SFMBT2: variants seen among roughly 807,000 people sequenced by gnomAD.
The protein encoded by SFMBT2 is scm-like with four MBT domains protein 2.
A neutral mutation model predicts 110.1 loss-of-function variants in SFMBT2; 38 were observed. The observed-to-expected ratio is 0.35, with a 90% CI of 0.27 to 0.45. The LOEUF (loss-of-function observed/expected upper bound fraction) is 0.45, where lower values mean the gene tolerates loss of function less well. SFMBT2 is among the 20% of genes least tolerant of loss of function. The pLI is 1.00. For missense variants in SFMBT2, 1,011 were observed against 1,094.9 expected (o/e 0.92, Z 1.08); for synonymous variants, 425 against 425.4 (o/e 1.00, Z 0.01).
intron 6 of SFMBT2, among the ~76,000 whole-genome samples, chr10:7,280,196 C>G (rs564205363): frequency 1.5e-4 from 23 of 152,350 alleles, no homozygotes; most frequent in Non-Finnish European, 3.4e-4. Context: ...TCTCACACTT[C>G]CAGCCTCCAG....
intron 8 of SFMBT2, chr10:7,244,004 T>C: frequency 1.7e-6 from 1 of 581,726 alleles, no homozygotes; most frequent in African/African-American, 2.0e-5. Flanking sequence ...GAAAAATGAA[T>C]GGAGGAAGTC....
rs1406733442 is a variant in SFMBT2 at position 7,230,975 on chromosome 10, GA to G, written c.1121-3039del. On this transcript the variant is annotated intron_variant, in intron 9 of 20. Coordinates refer to ENST00000397167, the MANE Select transcript of SFMBT2 (RefSeq NM_001387889.1). ...ATAAATAAAATAAAGTAAATAAAGA[GA>G]AAAGCTTTTAGATCCCTCTGCTGTC... 2.0e-5 allele frequency among the ~76,000 whole-genome samples: 3 copies of G among 152,130 alleles called. No homozygotes were observed. The East Asian group carries it at 5.8e-4, about 29-fold the overall frequency.
intron 4 of SFMBT2, among the ~76,000 whole-genome samples, chr10:7,347,708 A>T (rs1844162409): frequency 6.6e-6 from 1 of 152,234 alleles, no homozygotes; most frequent in Non-Finnish European, 1.5e-5. Flanking sequence ...GAAACTAAGC[A>T]GGCAAGCATC....
chr10:7,204,258 C>G (rs1839055926), intron 12 of SFMBT2: 4 of 788,730 alleles, frequency 5.1e-6, no homozygotes, highest in Non-Finnish European at 6.1e-6. Context: ...ATAATGCTAA[C>G]TAGAGGAGCC....
chr10:7,198,270 G>C (rs1358789054), intron 14 of SFMBT2: 7 of 403,022 alleles, frequency 1.7e-5, no homozygotes, highest in African/African-American at 2.2e-5. Flanking sequence ...TGACTCTATT[G>C]AATTAATGTA....
At chr10:7,177,079 C>T (rs1390238625) in intron 16 of SFMBT2, among the ~76,000 whole-genome samples, 2 of 152,154 alleles carry the variant, frequency 1.3e-5, no homozygotes, top group African/African-American at 4.8e-5. Flanking sequence ...TCTCCAGTCC[C>T]CCCAGCAACC....
chr10:7,354,538 G>A (rs1167685985), intron 4 of SFMBT2, among the ~76,000 whole-genome samples: 8 of 152,176 alleles, frequency 5.3e-5, no homozygotes, highest in African/African-American at 1.9e-4. Context: ...TTCTCAGGCA[G>A]ATCAGTCTCA....
intron 9 of SFMBT2, among the ~76,000 whole-genome samples, chr10:7,228,838 G>GC (rs1367304266): frequency 2.7e-5 from 4 of 148,366 alleles, no homozygotes; most frequent in Non-Finnish European, 4.4e-5. Flanking sequence ...GGGGGAAGAT[G>GC]CAACTATATA....
At chr10:7,363,537 G>T (rs541329070) in intron 4 of SFMBT2, among the ~76,000 whole-genome samples, 2 of 152,158 alleles carry the variant, frequency 1.3e-5, no homozygotes, top group East Asian at 1.9e-4. Flanking sequence ...TAGTAGAGAC[G>T]GAGTTTCACC....
chr10:7,371,115 ATTTTGTT>A (rs1237624490), intron 2 of SFMBT2, among the ~76,000 whole-genome samples: 1 of 152,054 alleles, frequency 6.6e-6, no homozygotes, highest in Non-Finnish European at 1.5e-5. Context: ...GTAGGGGGGT[ATTTTGTT>A]TTTTGTTTTG....
chr10:7,248,557 C>A lies in SFMBT2; in HGVS notation c.963G>T (p.Ser321=). 1 of 1,613,840 alleles carries A rather than the reference C, an allele frequency of 6.2e-7. No homozygotes were observed. The highest frequency in any genetic ancestry group is 1.1e-5 in the South Asian group (1 of 91,072). The change falls in exon 8 of 21, where the codon TCG becomes TCT. Residue 321 remains serine (S), a synonymous_variant. Transcript: ENST00000397167. ...MCEPFYISPA[S]VTKVFNNHFF... Reference sequence around the variant, plus strand: ...AGGGAGGAAAACCCACCTTAGTCACCGACGCAGGAGAGATGTAAAAGGGCT... The same window carrying A: ...AGGGAGGAAAACCCACCTTAGTCACAGACGCAGGAGAGATGTAAAAGGGCT...
At chr10:7,355,394 A>G (rs1844471708) in intron 4 of SFMBT2, among the ~76,000 whole-genome samples, 1 of 152,244 alleles carries the variant, frequency 6.6e-6, no homozygotes, top group South Asian at 2.1e-4. Flanking sequence ...CCACAGTTCT[A>G]GCATTCAACA....
chr10:7,174,217 G>T (rs999771729), intron 17 of SFMBT2, among the ~76,000 whole-genome samples: 10 of 152,342 alleles, frequency 6.6e-5, no homozygotes, highest in African/African-American at 2.2e-4. Context: ...GTTACTCAGT[G>T]AGCAGGAATA....
At chr10:7,299,767 G>A (rs1842505377) in intron 4 of SFMBT2, among the ~76,000 whole-genome samples, 1 of 152,058 alleles carries the variant, frequency 6.6e-6, no homozygotes, top group African/African-American at 2.4e-5. Flanking sequence ...TGTCTTTATA[G>A]TAGAATGATT....
Position 7,211,957 on chromosome 10 carries a change from G to A in SFMBT2, c.1331-6029C>T, listed in dbSNP as rs951669458. On this transcript the variant is annotated intron_variant, in intron 11 of 20. Transcript: ENST00000397167. ...GCTGGTCCCCTAAACATACAAGGTGGGCTCAGACGGGTTTCTCTGAACCAC... is the reference window on the plus strand; with the variant it reads ...GCTGGTCCCCTAAACATACAAGGTGAGCTCAGACGGGTTTCTCTGAACCAC... 1.3e-3 allele frequency among the ~76,000 whole-genome samples: 200 copies of A among 152,204 alleles called. 2 individuals are homozygous for A. Among genetic ancestry groups the A allele is most frequent in the African/African-American group, 4.7e-3 (197 of 41,526 alleles).
intron 7 of SFMBT2, among the ~76,000 whole-genome samples, chr10:7,275,507 G>T (rs977310206): frequency 6.6e-6 from 1 of 151,446 alleles, no homozygotes; most frequent in African/African-American, 2.4e-5. Flanking sequence ...GAGAGGAAGA[G>T]GAAGACAAAG....
At chr10:7,205,571 A>G (rs1003756110) in intron 12 of SFMBT2, 6 of 985,316 alleles carry the variant, frequency 6.1e-6, no homozygotes, top group African/African-American at 3.5e-5. Flanking sequence ...ATGATTTCAG[A>G]TATTTTTCCT....
chr10:7,410,661 T>C (rs1846349352), intron 1 of SFMBT2, among the ~76,000 whole-genome samples, 200 bp downstream of exon 1: 1 of 151,976 alleles, frequency 6.6e-6, no homozygotes, highest in African/African-American at 2.4e-5. Flanking sequence ...CCCTTCTCTT[T>C]CGCTCCCCTG....
intron 4 of SFMBT2, among the ~76,000 whole-genome samples, chr10:7,339,703 T>G (rs1178576055): frequency 1.3e-5 from 2 of 152,238 alleles, no homozygotes; most frequent in African/African-American, 4.8e-5. Flanking sequence ...CCATGGCATC[T>G]GAGCTTCCCT....
Sources: gnomAD v4.1 joint callset for allele counts (sites outside exome capture counted in the v4.1 genomes callset) on GRCh38, gnomAD v4.1.1 for gene constraint, MANE v1.5 for transcripts, NCBI Gene and HGNC (gene_info 2026-07-23, HGNC 2026-07-21) for gene names.